The following UGT2B4 variants were observed in gnomAD, a reference collection of about 807,000 sequenced individuals.
The protein encoded by UGT2B4 is UDP-glucuronosyltransferase 2B4.
Under a neutral mutation model 49.8 loss-of-function variants are expected in UGT2B4, and 49 were observed. That is an observed-to-expected ratio of 0.98 (90% CI 0.78 to 1.25). The LOEUF (loss-of-function observed/expected upper bound fraction) is 1.25, where lower values mean the gene tolerates loss of function less well. Among genes scored for constraint, UGT2B4 ranks in the 50% most tolerant of loss-of-function variants. The pLI, the probability that UGT2B4 is intolerant of heterozygous loss-of-function variation, is 0.00. For synonymous variants in UGT2B4, 246 were observed against 217.7 expected, an observed-to-expected ratio of 1.13 and a Z score of -1.14; for missense variants, 729 against 627.7, an observed-to-expected ratio of 1.16 and a Z score of -1.73.
intron 1 of UGT2B4, among the ~76,000 whole-genome samples, chr4:69,512,155 A>G (rs1728620044): frequency 6.6e-6 from 1 of 150,816 alleles, no homozygotes; most frequent in Non-Finnish European, 1.5e-5. Context: ...CAGCTCAAAT[A>G]TATATTATTT....
intron 5 of UGT2B4, among the ~76,000 whole-genome samples, chr4:69,483,018 T>C (rs1453532890): frequency 1.3e-5 from 2 of 152,170 alleles, no homozygotes; most frequent in Non-Finnish European, 2.9e-5. Flanking sequence ...AATAATTCTG[T>C]CATAAACATT....
chr4:69,486,699 GT>G lies in UGT2B4; in HGVS notation c.1003-4del, dbSNP rs1560432664. The G allele has an allele frequency of 6.9e-6, 11 of 1,595,184 alleles. No individual in the cohort carries two copies. Among genetic ancestry groups the G allele is most frequent in the African/African-American group, 1.4e-5 (1 of 73,948 alleles). Reference sequence around the variant, plus strand: ...TTCCCATCAAATCTCCACAGAACCTGTTACAGTGAAGAAAATATCTTATTCC... The same window carrying G: ...TTCCCATCAAATCTCCACAGAACCTGTACAGTGAAGAAAATATCTTATTCC... On this transcript the variant is annotated splice_polypyrimidine_tract_variant and splice_region_variant and intron_variant, in intron 3 of 5. Transcript: ENST00000305107.
intron 1 of UGT2B4, chr4:69,517,632 A>G (rs1012541512): frequency 2.6e-5 from 4 of 152,428 alleles, no homozygotes; most frequent in African/African-American, 9.6e-5. Flanking sequence ...TTTTTATTCT[A>G]TTTTGTGATA....
upstream of UGT2B4, among the ~76,000 whole-genome samples, chr4:69,500,399 A>T (rs1195786793): frequency 1.3e-5 from 2 of 151,892 alleles, no homozygotes; most frequent in Non-Finnish European, 2.9e-5. Context: ...ACTTAAGACA[A>T]AACAAATACA....
At chr4:69,509,175 T>TG (rs1478150140) in intron 1 of UGT2B4, among the ~76,000 whole-genome samples, 4 of 147,328 alleles carry the variant, frequency 2.7e-5, no homozygotes, top group Non-Finnish European at 3.0e-5. Flanking sequence ...TTTCTATTTT[T>TG]TTTTTTTTTT....
chr4:69,507,334 G>T (rs928798726), intron 1 of UGT2B4, among the ~76,000 whole-genome samples: 1 of 151,902 alleles, frequency 6.6e-6, no homozygotes, highest in Non-Finnish European at 1.5e-5. Flanking sequence ...CCATCGTCTC[G>T]GGCCAAAAGC....
At chr4:69,525,712 T>C (rs747567623) in exon 1 of UGT2B4, 2 of 1,278,762 alleles carry the variant, frequency 1.6e-6, no homozygotes, top group Non-Finnish European at 2.0e-6. Flanking sequence ...ATGAGACATG[T>C]AAGAGAGCAA....
At chr4:69,520,345 C>T (rs745376495) in intron 1 of UGT2B4, among the ~76,000 whole-genome samples, 2 of 152,236 alleles carry the variant, frequency 1.3e-5, no homozygotes, top group African/African-American at 4.8e-5. Flanking sequence ...TTGGGAAGTA[C>T]TGCTGAGGCT....
rs897324766 is a variant in UGT2B4, at chr4:69,512,721, T to C, written c.-106+12966A>G. On this transcript the variant is annotated intron_variant, in intron 1 of 1. Coordinates refer to the UGT2B4 transcript ENST00000510114. Reference sequence around the variant, plus strand: ...TGCAACTTCACCAGCATCTGTTTTTTTTTTGTTTGTTTGTTTGTTTTGTTT... The same window carrying C: ...TGCAACTTCACCAGCATCTGTTTTTCTTTTGTTTGTTTGTTTGTTTTGTTT... Among the ~76,000 whole-genome samples the C allele has an allele frequency of 3.3e-4, 42 of 129,064 alleles. No homozygotes were observed. The East Asian group carries it at 0.017, about 52-fold the overall frequency. The allele number at this position is 129,064 out of a possible 152,430, so 84.7% of individuals were successfully genotyped here.
At position 69,485,196 on chromosome 4, in the gene UGT2B4, A is replaced by AT. The variant is rs1727736965; in HGVS notation, c.1310+11_1310+12insA. On this transcript the variant is annotated intron_variant, in intron 5 of 5. Coordinates refer to ENST00000305107, the MANE Select transcript of UGT2B4 (RefSeq NM_021139.3). ...TATAAAGACCACCGAGTAAAAAAAA[A>AT]GTTATACTCACAAAGGATCATTAAT... 1 of 1,613,478 alleles carries AT rather than the reference A, an allele frequency of 6.2e-7. No homozygotes were observed. The highest frequency in any genetic ancestry group is 1.1e-5 in the South Asian group (1 of 91,050).
At position 69,485,335 on chromosome 4, in the gene UGT2B4, A is replaced by G; in HGVS notation, c.1183T>C (p.Leu395=). The change falls in exon 5 of 6, where the codon TTG becomes CTG. Residue 395 remains leucine, a synonymous_variant. Coordinates refer to ENST00000305107, the MANE Select transcript of UGT2B4 (RefSeq NM_021139.3). ...YHGIPMVGVP[L]FADQPDNIAH... Reference sequence around the variant, plus strand: ...ATGTTATCAGGTTGATCTGCAAACAATGGAACGCCCACCATAGGGATTCCA... The same window carrying G: ...ATGTTATCAGGTTGATCTGCAAACAGTGGAACGCCCACCATAGGGATTCCA... 2 of 1,614,064 alleles carry G rather than the reference A, an allele frequency of 1.2e-6. No individual in the cohort carries two copies. The highest frequency in any genetic ancestry group is 2.2e-5 in the East Asian group (1 of 44,878).
chr4:69,512,242 G>A (rs1370153847), intron 1 of UGT2B4, among the ~76,000 whole-genome samples: 2 of 151,632 alleles, frequency 1.3e-5, no homozygotes, highest in Non-Finnish European at 2.9e-5. Flanking sequence ...TGATAATTTG[G>A]ATATCTTGTT....
upstream of UGT2B4, among the ~76,000 whole-genome samples, chr4:69,500,586 A>AAAGCAAGC (rs1436081002): frequency 2.6e-5 from 3 of 113,822 alleles, no homozygotes; most frequent in Admixed American, 9.5e-5. Context: ...AGAAAGCAAG[A>AAAGCAAGC]AAGCAAGCAA....
chr4:69,506,083 A>AGGAAAAT (rs1728459280), intron 1 of UGT2B4, among the ~76,000 whole-genome samples: 1 of 152,154 alleles, frequency 6.6e-6, no homozygotes, highest in African/African-American at 2.4e-5. Flanking sequence ...CAGTGTTAAG[A>AGGAAAAT]GGAAAATGTA....
At chr4:69,499,748 T>C (rs1476549320), upstream of UGT2B4, among the ~76,000 whole-genome samples, 1 of 152,290 alleles carries the variant, frequency 6.6e-6, no homozygotes, top group East Asian at 1.9e-4. Context: ...TTTGAGCCTA[T>C]GTGTGTCTTT....
chr4:69,502,280 A>G (rs953639084), intron 1 of UGT2B4, among the ~76,000 whole-genome samples: 4 of 151,132 alleles, frequency 2.6e-5, no homozygotes, highest in African/African-American at 9.8e-5. Flanking sequence ...GGTTTGTTAC[A>G]TAGGTAAATA....
intron 1 of UGT2B4, among the ~76,000 whole-genome samples, chr4:69,511,770 T>C (rs1322046803): frequency 6.6e-6 from 1 of 152,162 alleles, no homozygotes; most frequent in Non-Finnish European, 1.5e-5. Flanking sequence ...AAGTGTTTGG[T>C]AGTGAAGCCA....
In UGT2B4 at chr4:69,480,872, T is replaced by C; in HGVS notation, c.1349A>G (p.His450Arg). ...ATCAAGGGGCTTCACTGGTTGATCA[T>C]GATGAATTCTTGATAATTTCATAGC... is the stretch of plus-strand genomic sequence containing the variant. ...ENAMKLSRIH[H>R]DQPVKPLDRA... The change falls in exon 6 of 6, where the codon CAT becomes CGT. Residue 450 changes from histidine (H) to arginine (R), a missense_variant. His to Arg is a conservative substitution (Grantham distance 29). Transcript: ENST00000305107. 1.9e-6 allele frequency: 3 copies of C among 1,613,816 alleles called. No individual in the cohort carries two copies. The highest frequency in any genetic ancestry group is 1.1e-5 in the South Asian group (1 of 91,054).
intron 5 of UGT2B4, among the ~76,000 whole-genome samples, chr4:69,483,757 G>A (rs1577879297): frequency 6.6e-6 from 1 of 152,090 alleles, no homozygotes; most frequent in East Asian, 1.9e-4. Flanking sequence ...AAGGCATTTT[G>A]CGCATTGCTT....
Sources: allele counts gnomAD v4.1 joint callset (sites outside exome capture counted in the v4.1 genomes callset), GRCh38; gene constraint gnomAD v4.1.1; transcripts MANE v1.5; gene names NCBI Gene and HGNC (gene_info 2026-07-23, HGNC 2026-07-21).